Variants in SMOC1 observed in about 807,000 individuals in gnomAD.
SMOC1 encodes the protein SPARC related modular calcium binding 1.
Under a neutral mutation model 56.3 loss-of-function variants are expected in SMOC1, and 22 were observed. That is an observed-to-expected ratio of 0.39 (90% CI 0.28 to 0.56). The LOEUF is 0.56. Ranked by LOEUF, SMOC1 falls within the 20% of genes least tolerant of loss-of-function variation. The pLI, the probability that SMOC1 is intolerant of heterozygous loss-of-function variation, is 0.61. For synonymous variants in SMOC1, 193 were observed against 215.0 expected (o/e 0.90, Z 0.89); for missense variants, 509 against 565.4 (o/e 0.90, Z 1.01).
chr14:69,969,890 TG>T (rs1700647688), intron 3 of SMOC1, among the ~76,000 whole-genome samples: 1 of 152,114 alleles, frequency 6.6e-6, no homozygotes, highest in Non-Finnish European at 1.5e-5. Flanking sequence ...CATTCATCAG[TG>T]TATCAAATTG....
intron 1 of SMOC1, among the ~76,000 whole-genome samples, chr14:69,897,523 T>TTTTAATGA (rs1314524799): frequency 3.9e-5 from 6 of 152,176 alleles, no homozygotes; most frequent in Non-Finnish European, 7.3e-5. Context: ...AATTGAGCAT[T>TTTTAATGA]TTTAATGATT....
chr14:69,900,037 C>T (rs1056740760), intron 1 of SMOC1, among the ~76,000 whole-genome samples: 15 of 152,196 alleles, frequency 9.9e-5, no homozygotes, highest in African/African-American at 3.4e-4. Context: ...CTTACATACT[C>T]GCCATACCCA....
intron 10 of SMOC1, among the ~76,000 whole-genome samples, chr14:70,019,306 A>G (rs1216428738): frequency 6.6e-6 from 1 of 152,242 alleles, no homozygotes; most frequent in East Asian, 1.9e-4. Context: ...TGTCTGAACC[A>G]TAGTCTTCTA....
intron 5 of SMOC1, among the ~76,000 whole-genome samples, chr14:69,979,082 C>T (rs1566697191): frequency 6.6e-6 from 1 of 152,050 alleles, no homozygotes; most frequent in African/African-American, 2.4e-5. Flanking sequence ...AAACTACATG[C>T]TCATCAGGGC....
At chr14:69,893,976 C>A (rs1350268016) in intron 1 of SMOC1, among the ~76,000 whole-genome samples, 2 of 152,160 alleles carry the variant, frequency 1.3e-5, no homozygotes, top group Non-Finnish European at 2.9e-5. Flanking sequence ...AGAGGGTAGC[C>A]ATCTTCAAGC....
At chr14:69,990,716 A>T (rs1287401837) in intron 5 of SMOC1, among the ~76,000 whole-genome samples, 3 of 152,162 alleles carry the variant, frequency 2.0e-5, no homozygotes, top group Non-Finnish European at 4.4e-5. Context: ...GCATCAAAAG[A>T]TGCCTGTTTT....
intron 1 of SMOC1, among the ~76,000 whole-genome samples, chr14:69,896,120 A>G (rs1161792203): frequency 6.6e-6 from 1 of 152,206 alleles, no homozygotes; most frequent in African/African-American, 2.4e-5. Flanking sequence ...CTGGAATTAC[A>G]GGTGTGATCC....
intron 1 of SMOC1, among the ~76,000 whole-genome samples, chr14:69,884,654 A>T (rs1282099788): frequency 1.3e-5 from 2 of 152,090 alleles, no homozygotes; most frequent in Admixed American, 6.5e-5. Context: ...CTGCATGTGG[A>T]TATCCAGTTT....
chr14:69,989,590 T>G (rs1884489839), intron 5 of SMOC1, among the ~76,000 whole-genome samples: 1 of 152,160 alleles, frequency 6.6e-6, no homozygotes, highest in Non-Finnish European at 1.5e-5. Flanking sequence ...TATCCTTCAA[T>G]TTTAGAAGAG....
chr14:69,905,426 A>G (rs910717779), intron 1 of SMOC1, among the ~76,000 whole-genome samples: 1 of 152,202 alleles, frequency 6.6e-6, no homozygotes, highest in Non-Finnish European at 1.5e-5. Context: ...GTGGTGACCC[A>G]TCATGAGGGA....
intron 3 of SMOC1, among the ~76,000 whole-genome samples, chr14:69,965,120 G>A (rs940813892): frequency 2.6e-5 from 4 of 152,146 alleles, no homozygotes; most frequent in Admixed American, 1.3e-4. Context: ...GCGCACGCCT[G>A]TAATCCCAGC....
intron 1 of SMOC1, among the ~76,000 whole-genome samples, chr14:69,894,289 T>C (rs1884038157): frequency 6.6e-6 from 1 of 152,192 alleles, no homozygotes; most frequent in Admixed American, 6.5e-5. Flanking sequence ...ATCCTTCCTA[T>C]CTAAACATCA....
At chr14:69,947,014 T>C (rs1241714219) in intron 1 of SMOC1, among the ~76,000 whole-genome samples, 1 of 152,204 alleles carries the variant, frequency 6.6e-6, no homozygotes, top group African/African-American at 2.4e-5. Flanking sequence ...GCCAGTGTTA[T>C]GCTTCCTGTA....
chr14:69,967,785 T>C (rs1883624845), intron 3 of SMOC1, among the ~76,000 whole-genome samples: 1 of 152,224 alleles, frequency 6.6e-6, no homozygotes, highest in Admixed American at 6.5e-5. Context: ...GTAGTGGAGA[T>C]GGTATTTACA....
chr14:69,892,830 T>C (rs1437668143), intron 1 of SMOC1, among the ~76,000 whole-genome samples: 1 of 152,198 alleles, frequency 6.6e-6, no homozygotes, highest in Non-Finnish European at 1.5e-5. Context: ...CAAAAAATAT[T>C]AGCAATAATT....
intron 5 of SMOC1, among the ~76,000 whole-genome samples, chr14:69,985,526 CT>C (rs1884334565): frequency 6.6e-6 from 1 of 152,204 alleles, no homozygotes; most frequent in Non-Finnish European, 1.5e-5. Context: ...ATGAAACAAA[CT>C]GTGGCACAGT....
chr14:70,021,580 C>T (rs960619929), intron 10 of SMOC1, among the ~76,000 whole-genome samples: 1 of 152,196 alleles, frequency 6.6e-6, no homozygotes, highest in Non-Finnish European at 1.5e-5. Flanking sequence ...AAACCTGTCA[C>T]GATGAGGTCC....
At chr14:70,003,622 A>G (rs1885047966) in intron 7 of SMOC1, among the ~76,000 whole-genome samples, 1 of 152,166 alleles carries the variant, frequency 6.6e-6, no homozygotes. Flanking sequence ...TCCTATGGCC[A>G]CCAGAGACGG....
chr14:69,905,021 AG>A (rs1884368555), intron 1 of SMOC1, among the ~76,000 whole-genome samples: 1 of 152,170 alleles, frequency 6.6e-6, no homozygotes, highest in South Asian at 2.1e-4. Context: ...CCTGTAATGA[AG>A]GGGGTGTTTT....
Sources: gnomAD v4.1 joint callset for allele counts (sites outside exome capture counted in the v4.1 genomes callset) on GRCh38, gnomAD v4.1.1 for gene constraint, MANE v1.5 for transcripts, NCBI Gene and HGNC (gene_info 2026-07-23, HGNC 2026-07-21) for gene names.